Variants in KCND2 observed in about 807,000 individuals in gnomAD.
KCND2 encodes the protein potassium voltage-gated channel subfamily D member 2.
A neutral mutation model predicts 54.4 loss-of-function variants in KCND2; 16 were observed. The observed-to-expected ratio is 0.29, with a 90% confidence interval of 0.20 to 0.45. The LOEUF (loss-of-function observed/expected upper bound fraction) is 0.45, where lower values mean the gene tolerates loss of function less well. Ranked by LOEUF, KCND2 falls within the 20% of genes least tolerant of loss-of-function variation. The pLI is 1.00. For synonymous variants in KCND2, 317 were observed against 310.7 expected, an observed-to-expected ratio of 1.02 and a Z score of -0.21; for missense variants, 486 against 824.2, an observed-to-expected ratio of 0.59 and a Z score of 5.02.
intron 1 of KCND2, among the ~76,000 whole-genome samples, chr7:120,331,791 G>GA (rs1300462618): frequency 6.6e-6 from 1 of 152,000 alleles, no homozygotes; most frequent in Non-Finnish European, 1.5e-5. Flanking sequence ...AATTTCAAGT[G>GA]AAAATCTCCA....
At position 120,273,339 on chromosome 7, in the gene KCND2, T is replaced by C. The variant is rs1273806827; in HGVS notation, c.-1294T>C. Among the ~76,000 whole-genome samples the C allele has an allele frequency of 1.3e-5, 2 of 149,964 alleles. No homozygotes were observed. The highest frequency in any genetic ancestry group is 4.9e-5 in the African/African-American group (2 of 41,186). On this transcript the variant is annotated 5_prime_UTR_variant, in exon 1 of 6. Transcript: ENST00000331113. ...CGCCCCCGCGCTGCCGAGCGCCTTCTGCCTCCGCGCTCGGACGAGAGCCCG... is the reference window on the plus strand; with the variant it reads ...CGCCCCCGCGCTGCCGAGCGCCTTCCGCCTCCGCGCTCGGACGAGAGCCCG...
chr7:120,440,021 C>T (rs934951629), intron 1 of KCND2, among the ~76,000 whole-genome samples: 2 of 151,950 alleles, frequency 1.3e-5, no homozygotes, highest in African/African-American at 2.4e-5. Flanking sequence ...TCCAGGAGCA[C>T]GATTGCTGGA....
At position 120,666,237 on chromosome 7, in the gene KCND2, G is replaced by A. The variant is rs917576293; in HGVS notation, c.1116-66666G>A. ...AGGGAGAGGAAGAGGGGACATTTGAGATCTAAAGAACATTGTGATCTATGG... is the reference window on the plus strand; with the variant it reads ...AGGGAGAGGAAGAGGGGACATTTGAAATCTAAAGAACATTGTGATCTATGG... On this transcript the variant is annotated intron_variant, in intron 1 of 5. Coordinates refer to ENST00000331113, the MANE Select transcript of KCND2 (RefSeq NM_012281.3). Among the ~76,000 whole-genome samples, 3 of 152,012 alleles carry A rather than the reference G, an allele frequency of 2.0e-5. No individual in the cohort carries two copies. The Middle Eastern group carries it at 0.01, about 517-fold the overall frequency.
chr7:120,318,335 A>T (rs1173114166), intron 1 of KCND2, among the ~76,000 whole-genome samples: 1 of 152,148 alleles, frequency 6.6e-6, no homozygotes, highest in Non-Finnish European at 1.5e-5. Flanking sequence ...ATAAAATTTG[A>T]TTTATATCAC....
rs1803075191 is a variant in KCND2 at position 120,509,171 on chromosome 7, G to A, written c.1116-223732G>A. ...GTAACTCTCACAACCAATGGGAACT[G>A]AAGGAGTGATGACTACTAAATGTGA... On this transcript the variant is annotated intron_variant, in intron 1 of 5. Coordinates refer to ENST00000331113, the MANE Select transcript of KCND2 (RefSeq NM_012281.3). 4.6e-5 allele frequency among the ~76,000 whole-genome samples: 7 copies of A among 152,070 alleles called. No individual in the cohort carries two copies. In the South Asian group the frequency reaches 1.4e-3, roughly 31 times the overall value.
chr7:120,451,454 A>C (rs182883095), intron 1 of KCND2, among the ~76,000 whole-genome samples: 3 of 152,344 alleles, frequency 2.0e-5, no homozygotes, highest in Non-Finnish European at 4.4e-5. Context: ...AACAATTAAA[A>C]CAATACAAAT....
rs149817774 is a variant in KCND2, at chr7:120,535,599, C to T, written c.1116-197304C>T. ...GTTCCCAGAAGCCTGCCTCCCACTG[C>T]TGTGCTGTCATGCACTGCTCACAAA... On this transcript the variant is annotated intron_variant, in intron 1 of 5. Coordinates refer to ENST00000331113, the MANE Select transcript of KCND2 (RefSeq NM_012281.3). 2.2e-4 allele frequency among the ~76,000 whole-genome samples: 33 copies of T among 152,288 alleles called. No individual in the cohort carries two copies. The East Asian group carries it at 6.4e-3, about 29-fold the overall frequency.
intron 5 of KCND2, 38 bp downstream of exon 5, chr7:120,746,065 C>T: frequency 6.2e-7 from 1 of 1,605,944 alleles, no homozygotes. Context: ...CACACCTGTG[C>T]TGGTTCCCAG....
chr7:120,316,690 T>A (rs1799816891), intron 1 of KCND2, among the ~76,000 whole-genome samples: 2 of 152,194 alleles, frequency 1.3e-5, no homozygotes, highest in Admixed American at 6.5e-5. Flanking sequence ...GAAAAAAGAC[T>A]AAACTAAGCC....
chr7:120,499,830 GT>G (rs1405529047), intron 1 of KCND2, among the ~76,000 whole-genome samples: 6 of 151,956 alleles, frequency 3.9e-5, no homozygotes, highest in African/African-American at 4.8e-5. Flanking sequence ...GCACAAAAAT[GT>G]TTTTTTGTTA....
chr7:120,586,488 T>C (rs952290780), intron 1 of KCND2, among the ~76,000 whole-genome samples: 4 of 152,154 alleles, frequency 2.6e-5, no homozygotes. Context: ...TATAAAGGAA[T>C]CCTGTATTCT....
chr7:120,448,527 T>A (rs1452596108), intron 1 of KCND2, among the ~76,000 whole-genome samples: 2 of 152,006 alleles, frequency 1.3e-5, no homozygotes, highest in East Asian at 1.9e-4. Context: ...TGATTTATAA[T>A]CCTTTGGGTA....
At chr7:120,330,093 A>T (rs574295883) in intron 1 of KCND2, among the ~76,000 whole-genome samples, 2 of 152,276 alleles carry the variant, frequency 1.3e-5, no homozygotes, top group African/African-American at 2.4e-5. Flanking sequence ...CAATGTCTAG[A>T]TTGACACTAC....
At chr7:120,314,761 A>T (rs1400160141) in intron 1 of KCND2, among the ~76,000 whole-genome samples, 1 of 152,206 alleles carries the variant, frequency 6.6e-6, no homozygotes, top group Non-Finnish European at 1.5e-5. Context: ...GATAAAGGTT[A>T]TGTAACTTGA....
intron 1 of KCND2, among the ~76,000 whole-genome samples, chr7:120,584,954 TA>T (rs1184002113): frequency 3.6e-4 from 55 of 152,350 alleles, no homozygotes; most frequent in Non-Finnish European, 1.5e-4. Flanking sequence ...ATTTTTTCAG[TA>T]TATTTGCCTT....
At chr7:120,580,153 C>G (rs914135844) in intron 1 of KCND2, among the ~76,000 whole-genome samples, 9 of 152,206 alleles carry the variant, frequency 5.9e-5, no homozygotes, top group Admixed American at 1.3e-4. Flanking sequence ...CAGCATAACC[C>G]TCTTACTCTT....
intron 1 of KCND2, chr7:120,673,051 C>T (rs1792013717): frequency 6.6e-6 from 1 of 151,836 alleles, no homozygotes; most frequent in Non-Finnish European, 1.5e-5. Context: ...AGAGAGACAA[C>T]AAGGATGTGT....
intron 1 of KCND2, among the ~76,000 whole-genome samples, chr7:120,473,729 T>A (rs182922078): frequency 1.1e-3 from 168 of 152,258 alleles, no homozygotes; most frequent in African/African-American, 3.7e-3. Flanking sequence ...AAAGTTTTTT[T>A]AAAAAAATGA....
chr7:120,658,133 G>A (rs1791824852), intron 1 of KCND2, among the ~76,000 whole-genome samples: 1 of 152,120 alleles, frequency 6.6e-6, no homozygotes, highest in Non-Finnish European at 1.5e-5. Context: ...TTCACAGGAA[G>A]AAAATTGCAC....
Sources: allele counts gnomAD v4.1 joint callset (sites outside exome capture counted in the v4.1 genomes callset), GRCh38; gene constraint gnomAD v4.1.1; transcripts MANE v1.5; gene names NCBI Gene and HGNC (gene_info 2026-07-23, HGNC 2026-07-21).